The following VPS9D1 variants were observed in gnomAD, a reference collection of about 807,000 sequenced individuals.
The protein encoded by VPS9D1 is VPS9 domain containing 1, also known as VPS9 domain-containing protein 1.
A neutral mutation model predicts 75.8 loss-of-function variants in VPS9D1; 78 were observed. That is an observed-to-expected ratio of 1.03 (90% CI 0.86 to 1.24). VPS9D1 has a LOEUF of 1.24. VPS9D1 is among the 50% of genes most tolerant of loss of function. The pLI is 0.00. For synonymous variants in VPS9D1, 481 were observed against 385.6 expected (o/e 1.25, Z -2.90); for missense variants, 1,057 against 847.7 (o/e 1.25, Z -3.07).
At chr16:89,720,363 G>A (rs999920013) in intron 1 of VPS9D1, 18 of 955,988 alleles carry the variant, frequency 1.9e-5, no homozygotes, top group East Asian at 1.1e-4. Flanking sequence ...CAGGTATGTG[G>A]CCTTCTCTGC....
intron 4 of VPS9D1, among the ~76,000 whole-genome samples, chr16:89,716,156 G>T (rs917031698): frequency 2.6e-5 from 4 of 152,056 alleles, no homozygotes; most frequent in Non-Finnish European, 5.9e-5. Context: ...CACGAGGTCA[G>T]GAGATCGAAA....
rs1374116020 is a variant in VPS9D1 at position 89,712,641 on chromosome 16, C to T, written c.507G>A (p.Arg169=). The T allele has an allele frequency of 6.2e-7, 1 of 1,611,346 alleles. No individual in the cohort carries two copies. Among genetic ancestry groups the T allele is most frequent in the Admixed American group, 1.7e-5 (1 of 59,854 alleles). ...TCTGCATGGCCTGGCTGGGGTCTAG[C>T]CGCGCCATTCGGGCCTCATACGCAG... The part of the protein sequence containing the change: ...LKAAYEARMA[R]LDPSQAMQKT... The change falls in exon 5 of 15, where the codon CGG becomes CGA. Residue 169 remains arginine (R), a synonymous_variant. Transcript: ENST00000389386.
rs561688404 is a variant in VPS9D1, at chr16:89,720,116, C to G, written c.99+647G>C. On this transcript the variant is annotated intron_variant, in intron 1 of 14. Coordinates refer to ENST00000389386, the MANE Select transcript of VPS9D1 (RefSeq NM_004913.3). ...ACGAAATATAATCCAGGCAGGATTT[C>G]TGACTTGCGGGGGCACCTGCTGCCC... Among the ~76,000 whole-genome samples the G allele has an allele frequency of 3.9e-5, 6 of 152,320 alleles. No homozygotes were observed. In the South Asian group the frequency reaches 1.2e-3, roughly 32 times the overall value.
At chr16:89,719,359 C>G (rs1331136293) in intron 1 of VPS9D1, 15 of 580,998 alleles carry the variant, frequency 2.6e-5, no homozygotes, top group Non-Finnish European at 3.9e-5. Flanking sequence ...CAGGGACGAG[C>G]TGGACCTCAT....
intron 4 of VPS9D1, among the ~76,000 whole-genome samples, chr16:89,713,490 G>A (rs1006039475): frequency 3.9e-4 from 59 of 151,732 alleles, no homozygotes; most frequent in Admixed American, 1.2e-3. Context: ...TCCTGACCTC[G>A]TGATCCACCC....
chr16:89,712,887 C>A, intron 4 of VPS9D1, 171 bp from the exon 5 acceptor site: 1 of 570,962 alleles, frequency 1.8e-6, no homozygotes, highest in Non-Finnish European at 2.9e-6. Context: ...CCTGCCCTTC[C>A]AAAACACAGG....
chr16:89,712,775 A>G (rs1422268054), intron 4 of VPS9D1, 59 bp from the exon 5 acceptor site: 1 of 1,409,058 alleles, frequency 7.1e-7, no homozygotes, highest in African/African-American at 1.4e-5. Flanking sequence ...TCTGGACACC[A>G]GAGGAGTCTC....
intron 14 of VPS9D1, among the ~76,000 whole-genome samples, chr16:89,708,180 C>A (rs1377337140): frequency 6.6e-6 from 1 of 152,222 alleles, no homozygotes; most frequent in Non-Finnish European, 1.5e-5. Flanking sequence ...CCTCCCCAGG[C>A]AGATGCTGCT....
chr16:89,716,563 T>C lies in VPS9D1; in HGVS notation c.330A>G (p.Arg110=), dbSNP rs1439661352. The C allele has an allele frequency of 6.2e-7, 1 of 1,610,822 alleles. No individual in the cohort carries two copies. The highest frequency in any genetic ancestry group is 1.7e-5 in the Admixed American group (1 of 59,980). The change falls in exon 4 of 15, where the codon CGA becomes CGG. Residue 110 remains arginine, a synonymous_variant. Transcript: ENST00000389386. ...AAAPIPQPAG[R]HRRVYSDEGG... is the part of the protein sequence containing the mutation. ...CTTCATCGGAGTATACACGGCGGTG[T>C]CGGCCGGCAGGCTGGGGAATGGGAG... is the stretch of plus-strand genomic sequence containing the variant.
intron 2 of VPS9D1, chr16:89,717,204 C>CCTG: frequency 3.6e-6 from 1 of 278,612 alleles, no homozygotes; most frequent in South Asian, 3.3e-5. Context: ...AGGCAAGTCC[C>CCTG]CCCACCCACG....
At chr16:89,708,264 A>G (rs1309601187) in intron 14 of VPS9D1, among the ~76,000 whole-genome samples, 163 bp downstream of exon 14, 1 of 152,208 alleles carries the variant, frequency 6.6e-6, no homozygotes, top group Non-Finnish European at 1.5e-5. Context: ...ATGTGGCAGC[A>G]GGCACTCTGC....
At chr16:89,720,394 C>T (rs557322242) in intron 1 of VPS9D1, 1 of 1,000,928 alleles carries the variant, frequency 1.0e-6, no homozygotes, top group South Asian at 4.6e-5. Flanking sequence ...CTGTGGCAAC[C>T]GGATTAAATC....
chr16:89,720,048 CTGT>C (rs2061207996), intron 1 of VPS9D1, among the ~76,000 whole-genome samples: 2 of 152,208 alleles, frequency 1.3e-5, no homozygotes, highest in African/African-American at 4.8e-5. Flanking sequence ...TTATCCCTAG[CTGT>C]TAAGTTTCCT....
chr16:89,711,084 C>T (rs2060906599), intron 9 of VPS9D1, 74 bp from the exon 10 acceptor site: 19 of 1,394,642 alleles, frequency 1.4e-5, no homozygotes, highest in Non-Finnish European at 1.7e-5. Flanking sequence ...CGCGCTATGC[C>T]CGGTTTCAGA....
At chr16:89,709,521 G>C (rs1397542660) in intron 11 of VPS9D1, 86 bp from the exon 12 acceptor site, 1 of 1,402,910 alleles carries the variant, frequency 7.1e-7, no homozygotes, top group Non-Finnish European at 9.4e-7. Context: ...CTCAGTCCTG[G>C]AGAAAACTGG....
intron 8 of VPS9D1, 158 bp from the exon 9 acceptor site, chr16:89,711,570 C>T: frequency 1.4e-6 from 1 of 715,508 alleles, no homozygotes; most frequent in Non-Finnish European, 2.3e-6. Context: ...CCCGCCCCCA[C>T]CCACACCCGA....
At position 89,719,236 on chromosome 16, in the gene VPS9D1, T is replaced by C. The variant is rs977572423; in HGVS notation, c.100-134A>G. 3 of 859,268 alleles carry C rather than the reference T, an allele frequency of 3.5e-6. No individual in the cohort carries two copies. The African/African-American group carries it at 5.0e-5, about 14-fold the overall frequency. 53.2% of individuals were successfully genotyped at this position (859,268 alleles called of 1,614,324 possible). Reference sequence around the variant, plus strand: ...ATCTCTGAGATACACCCAGAGACATTGAGCCTGCGGTGGTTAGCTGCAGCC... The same window carrying C: ...ATCTCTGAGATACACCCAGAGACATCGAGCCTGCGGTGGTTAGCTGCAGCC... On this transcript the variant is annotated intron_variant, in intron 1 of 14. Coordinates refer to ENST00000389386, the MANE Select transcript of VPS9D1 (RefSeq NM_004913.3).
At position 89,716,451 on chromosome 16, in the gene VPS9D1, G is replaced by C. The variant is rs369858640; in HGVS notation, c.431+11C>G. ...CCAGGCTCATCCCACCTCCCATCTTGTCCATCTTACTTCTTACAGCTTTGT... is the reference window on the plus strand; with the variant it reads ...CCAGGCTCATCCCACCTCCCATCTTCTCCATCTTACTTCTTACAGCTTTGT... On this transcript the variant is annotated intron_variant, in intron 4 of 14. Transcript: ENST00000389386. The C allele has an allele frequency of 1.2e-6, 2 of 1,613,666 alleles. No homozygotes were observed. Among genetic ancestry groups the C allele is most frequent in the Non-Finnish European group, 1.7e-6 (2 of 1,179,898 alleles).
chr16:89,709,988 C>T lies in VPS9D1; in HGVS notation c.1259-82G>A, dbSNP rs1041549844. On this transcript the variant is annotated intron_variant, in intron 10 of 14. Coordinates refer to ENST00000389386, the MANE Select transcript of VPS9D1 (RefSeq NM_004913.3). ...GGCTCTAAGCCACGGGGCCTTTCTC[C>T]GCCCAAGAAACCTCTTTCCACCGCC... The T allele has an allele frequency of 1.1e-5, 17 of 1,510,094 alleles. 1 individual carries two copies. The highest frequency in any genetic ancestry group is 4.3e-4 in the Middle Eastern group (2 of 4,632). 93.5% of individuals were successfully genotyped at this position (1,510,094 alleles called of 1,614,324 possible).
Sources: gnomAD v4.1 joint callset for allele counts (sites outside exome capture counted in the v4.1 genomes callset) on GRCh38, gnomAD v4.1.1 for gene constraint, MANE v1.5 for transcripts, NCBI Gene and HGNC (gene_info 2026-07-23, HGNC 2026-07-21) for gene names.